The following GSK3B variants were observed in gnomAD, a reference collection of about 807,000 sequenced individuals.
The protein encoded by GSK3B is glycogen synthase kinase 3 beta.
A neutral mutation model predicts 56.4 loss-of-function variants in GSK3B; 15 were observed. That is an observed-to-expected ratio of 0.27 (90% CI 0.18 to 0.41). The LOEUF is 0.41. GSK3B is among the 10% of genes least tolerant of loss of function. The pLI, the probability that GSK3B is intolerant of heterozygous loss-of-function variation, is 1.00. For synonymous variants in GSK3B, 181 were observed against 188.9 expected, an observed-to-expected ratio of 0.96 and a Z score of 0.34; for missense variants, 300 against 513.4, an observed-to-expected ratio of 0.58 and a Z score of 4.02.
chr3:119,907,132 C>T (rs2056690401), intron 6 of GSK3B, among the ~76,000 whole-genome samples: 1 of 152,092 alleles, frequency 6.6e-6, no homozygotes, highest in Non-Finnish European at 1.5e-5. Flanking sequence ...AAAGATGTAT[C>T]TCCTTATTTA....
intron 3 of GSK3B, among the ~76,000 whole-genome samples, chr3:119,945,466 G>A (rs1044208863): frequency 1.8e-4 from 28 of 152,214 alleles, no homozygotes; most frequent in African/African-American, 6.7e-4. Flanking sequence ...GAGAACAGCA[G>A]CAGAGAGGAA....
rs747383905 is a variant in GSK3B at position 120,073,727 on chromosome 3, G to A, written c.88+19620C>T. Among the ~76,000 whole-genome samples the A allele has an allele frequency of 1.8e-4, 27 of 152,286 alleles. 1 individual carries two copies. The East Asian group carries it at 2.9e-3, about 16-fold the overall frequency. ...GTGGAGCAATTAAGAGAACAGGTTC[G>A]AAGTATGGCTATGCATCTTGCTGGC... On this transcript the variant is annotated intron_variant, in intron 1 of 10. Coordinates refer to ENST00000264235, the MANE Select transcript of GSK3B (RefSeq NM_001146156.2).
chr3:120,019,958 A>G (rs1047061147), intron 1 of GSK3B, among the ~76,000 whole-genome samples: 53 of 152,374 alleles, frequency 3.5e-4, no homozygotes, highest in African/African-American at 1.3e-3. Flanking sequence ...TCGCATTTAC[A>G]TATTTACTAA....
chr3:120,028,779 G>A (rs1357013003), intron 1 of GSK3B: 10 of 467,254 alleles, frequency 2.1e-5, no homozygotes, highest in African/African-American at 7.9e-5. Context: ...TTGGGGCAGC[G>A]ACCAGGCGTG....
In GSK3B at chr3:119,965,690, T is replaced by C. The variant is rs541900328; in HGVS notation, c.283-18339A>G. Among the ~76,000 whole-genome samples the C allele has an allele frequency of 2.7e-4, 41 of 152,320 alleles. No homozygotes were observed. In the South Asian group the frequency reaches 8.3e-3, roughly 31 times the overall value. ...AATAAGAAACCCTAGTACTGGTAGA[T>C]TGTGAAGATTCAAGTGAAAATGTTT... On this transcript the variant is annotated intron_variant, in intron 2 of 10. Transcript: ENST00000264235.
intron 1 of GSK3B, chr3:120,029,644 T>G: frequency 3.7e-6 from 2 of 545,244 alleles, no homozygotes; most frequent in Non-Finnish European, 7.2e-6. Flanking sequence ...ATGTTCACAT[T>G]CATAGCAGAG....
chr3:119,962,710 T>A (rs566969438), intron 2 of GSK3B, among the ~76,000 whole-genome samples: 56 of 152,308 alleles, frequency 3.7e-4, no homozygotes, highest in African/African-American at 1.3e-3. Flanking sequence ...AAAAATCGGT[T>A]GCAATTCTAT....
chr3:120,009,656 CAG>C (rs2057761819), intron 1 of GSK3B, among the ~76,000 whole-genome samples: 1 of 151,928 alleles, frequency 6.6e-6, no homozygotes, highest in Admixed American at 6.6e-5. Context: ...CACATGGACA[CAG>C]GGAGGTGAAC....
intron 2 of GSK3B, among the ~76,000 whole-genome samples, chr3:119,949,218 A>G (rs1253543668): frequency 6.6e-6 from 1 of 152,228 alleles, no homozygotes; most frequent in Non-Finnish European, 1.5e-5. Context: ...TGTGCATAAT[A>G]CTTTTGATCA....
chr3:119,827,537 C>T (rs1303591572), intron 10 of GSK3B, among the ~76,000 whole-genome samples: 1 of 134,276 alleles, frequency 7.4e-6, no homozygotes, highest in African/African-American at 2.8e-5. Flanking sequence ...GAGGTTGAGG[C>T]TGCAAGTGAG....
chr3:119,975,615 G>A (rs2057402424), intron 2 of GSK3B, among the ~76,000 whole-genome samples: 1 of 152,108 alleles, frequency 6.6e-6, no homozygotes, highest in African/African-American at 2.4e-5. Flanking sequence ...CTTGAAGAAG[G>A]GAAAAATGAG....
chr3:120,059,278 A>G (rs969584703), intron 1 of GSK3B, among the ~76,000 whole-genome samples: 6 of 152,156 alleles, frequency 3.9e-5, no homozygotes, highest in Admixed American at 3.9e-4. Flanking sequence ...TGGAACAAAC[A>G]TTTATATCTT....
chr3:119,998,348 T>C (rs2057644303), intron 2 of GSK3B, among the ~76,000 whole-genome samples: 1 of 152,200 alleles, frequency 6.6e-6, no homozygotes, highest in South Asian at 2.1e-4. Context: ...CAGGCCCATG[T>C]GGCAAGGGAC....
chr3:119,933,481 C>G (rs2056966244), intron 3 of GSK3B, among the ~76,000 whole-genome samples: 1 of 152,218 alleles, frequency 6.6e-6, no homozygotes, highest in Non-Finnish European at 1.5e-5. Context: ...TTGTGAAGAG[C>G]AAGAAATTAA....
chr3:119,964,147 A>G (rs914781439), intron 2 of GSK3B, among the ~76,000 whole-genome samples: 2 of 152,246 alleles, frequency 1.3e-5, no homozygotes, highest in African/African-American at 2.4e-5. Flanking sequence ...ACAAACTCCT[A>G]TAACTCAACA....
At chr3:120,079,336 ACACACACACACAC>A (rs1559904442) in intron 1 of GSK3B, among the ~76,000 whole-genome samples, 4 of 144,068 alleles carry the variant, frequency 2.8e-5, no homozygotes, top group Non-Finnish European at 3.1e-5. Context: ...ACACACACAC[ACACACACACACAC>A]ATTTTTTTTT....
intron 7 of GSK3B, 52 bp from the exon 8 acceptor site, chr3:119,876,560 G>T: frequency 9.9e-7 from 1 of 1,006,668 alleles, no homozygotes. Context: ...TACAAATTTA[G>T]TCTCCATGTT....
chr3:120,029,549 T>C (rs773704536), intron 1 of GSK3B: 3 of 610,498 alleles, frequency 4.9e-6, no homozygotes, highest in Non-Finnish European at 9.5e-6. Context: ...GACCATCACT[T>C]GGTGCATCTG....
At chr3:119,970,335 G>T (rs75272768) in intron 2 of GSK3B, among the ~76,000 whole-genome samples, 1 of 151,990 alleles carries the variant, frequency 6.6e-6, no homozygotes, top group African/African-American at 2.4e-5. Context: ...AAATAAATGC[G>T]AAAAGATATT....
Sources: allele counts gnomAD v4.1 joint callset (sites outside exome capture counted in the v4.1 genomes callset), GRCh38; gene constraint gnomAD v4.1.1; transcripts MANE v1.5; gene names NCBI Gene and HGNC (gene_info 2026-07-23, HGNC 2026-07-21).